Variants in CNTNAP2 observed in about 807,000 individuals in gnomAD.
CNTNAP2 encodes contactin-associated protein-like 2.
In CNTNAP2, 98 loss-of-function variants were observed where a neutral mutation model predicts 155.2. The ratio of observed to expected loss-of-function variants is 0.63; its 90% CI spans 0.54 to 0.75. CNTNAP2 has a LOEUF of 0.75. Among genes scored for constraint, CNTNAP2 ranks in the 30% least tolerant of loss-of-function variants. CNTNAP2 has a pLI of 0.00. For synonymous variants in CNTNAP2, 651 were observed against 631.2 expected (o/e 1.03, Z -0.47); for missense variants, 1,727 against 1,688.1 (o/e 1.02, Z -0.40).
At chr7:147,901,021 T>A (rs1799860091) in intron 13 of CNTNAP2, among the ~76,000 whole-genome samples, 1 of 152,100 alleles carries the variant, frequency 6.6e-6, no homozygotes, top group Admixed American at 6.6e-5. Flanking sequence ...TGCCCTACCT[T>A]CATGGAGCAT....
At chr7:146,588,259 C>A (rs762033444) in intron 1 of CNTNAP2, among the ~76,000 whole-genome samples, 4 of 151,768 alleles carry the variant, frequency 2.6e-5, no homozygotes, top group Non-Finnish European at 5.9e-5. Context: ...ACAAAGCCCA[C>A]ATATATCTTA....
intron 1 of CNTNAP2, among the ~76,000 whole-genome samples, chr7:146,407,495 G>A (rs1017094359): frequency 5.3e-4 from 80 of 152,228 alleles, no homozygotes; most frequent in African/African-American, 1.9e-3. Flanking sequence ...TGTTTATAAT[G>A]TGAGTTACAA....
intron 1 of CNTNAP2, among the ~76,000 whole-genome samples, chr7:146,373,836 G>C (rs1243526142): frequency 6.6e-6 from 1 of 152,148 alleles, no homozygotes; most frequent in African/African-American, 2.4e-5. Flanking sequence ...ATCTGGAATT[G>C]TATCAGAAAC....
chr7:147,512,383 G>A (rs1374912251), intron 11 of CNTNAP2, among the ~76,000 whole-genome samples: 1 of 152,170 alleles, frequency 6.6e-6, no homozygotes, highest in Non-Finnish European at 1.5e-5. Context: ...CATAAGAAAA[G>A]TGTCCATATA....
chr7:147,498,717 A>G (rs1798755802), intron 11 of CNTNAP2, among the ~76,000 whole-genome samples: 1 of 152,230 alleles, frequency 6.6e-6, no homozygotes, highest in African/African-American at 2.4e-5. Flanking sequence ...TCTAAAGCCC[A>G]AGTAATCTCT....
intron 10 of CNTNAP2, among the ~76,000 whole-genome samples, chr7:147,410,673 A>T (rs10232106): frequency 0.17 from 26,533 of 152,232 alleles, 2,470 homozygotes; most frequent in Non-Finnish European, 0.19. Context: ...TTTCACACTT[A>T]AAAAGCAGCT....
Position 148,280,409 on chromosome 7 carries a change from G to A in CNTNAP2, c.3475+13283G>A, listed in dbSNP as rs543961957. Among the ~76,000 whole-genome samples the A allele has an allele frequency of 4.6e-5, 7 of 152,322 alleles. No homozygotes were observed. The South Asian group carries it at 1.0e-3, about 23-fold the overall frequency. On this transcript the variant is annotated intron_variant, in intron 21 of 23. Coordinates refer to ENST00000361727, the MANE Select transcript of CNTNAP2 (RefSeq NM_014141.6). ...ACAGACCTACACAGATGATAAAATT[G>A]TGCAGAATCACATTTGCACACATAC...
At chr7:146,679,439 T>TCCACCTCCC (rs2129169582) in intron 1 of CNTNAP2, among the ~76,000 whole-genome samples, 1 of 146,788 alleles carries the variant, frequency 6.8e-6, no homozygotes, top group East Asian at 2.1e-4. Flanking sequence ...CACTGCAACT[T>TCCACCTCCC]CCACCTCCCA....
At chr7:148,114,625 A>G (rs1052623733) in intron 15 of CNTNAP2, among the ~76,000 whole-genome samples, 1 of 152,160 alleles carries the variant, frequency 6.6e-6, no homozygotes, top group Non-Finnish European at 1.5e-5. Context: ...AGATTGGGCA[A>G]CAGATTCCTC....
rs182743016 is a variant in CNTNAP2 at position 147,515,553 on chromosome 7, C to T, written c.1777+29512C>T. Among the ~76,000 whole-genome samples, 291 of 152,054 alleles carry T rather than the reference C, an allele frequency of 1.9e-3. 1 individual carries two copies. Among genetic ancestry groups the T allele is most frequent in the African/African-American group, 6.6e-3 (274 of 41,492 alleles). On this transcript the variant is annotated intron_variant, in intron 11 of 23. Coordinates refer to ENST00000361727, the MANE Select transcript of CNTNAP2 (RefSeq NM_014141.6). ...GGCCAGGATGGTCTCGATCTCTTGA[C>T]CTCGTGATCTGCCCACCTCGGCCTC...
At chr7:146,426,212 T>TAAAAAAAAAAAAAAAAA (rs1554431713) in intron 1 of CNTNAP2, among the ~76,000 whole-genome samples, 43 of 113,236 alleles carry the variant, frequency 3.8e-4, no homozygotes, top group African/African-American at 1.3e-3. Flanking sequence ...AAAAAAAAAT[T>TAAAAAAAAAAAAAAAAA]AAAACTTAAG....
At position 146,633,896 on chromosome 7, in the gene CNTNAP2, T is replaced by C. The variant is rs529027660; in HGVS notation, c.98-140375T>C. 3.3e-5 allele frequency among the ~76,000 whole-genome samples: 5 copies of C among 150,432 alleles called. No homozygotes were observed. In the South Asian group the frequency reaches 1.0e-3, roughly 32 times the overall value. On this transcript the variant is annotated intron_variant, in intron 1 of 23. Transcript: ENST00000361727. Reference sequence around the variant, plus strand: ...TTGCAGGAAGTCAGTAGGTGTACTTTTGGAGTCATCTTAAAAAGAGACGAT... The same window carrying C: ...TTGCAGGAAGTCAGTAGGTGTACTTCTGGAGTCATCTTAAAAAGAGACGAT...
chr7:147,549,813 T>C (rs1003197465), intron 11 of CNTNAP2, among the ~76,000 whole-genome samples: 1 of 152,194 alleles, frequency 6.6e-6, no homozygotes, highest in Non-Finnish European at 1.5e-5. Context: ...CATGTCTTCT[T>C]TTCTTCCCCC....
chr7:146,786,709 G>T (rs1458866359), intron 2 of CNTNAP2, among the ~76,000 whole-genome samples: 1 of 152,064 alleles, frequency 6.6e-6, no homozygotes, highest in Non-Finnish European at 1.5e-5. Context: ...TTCTTCCCCA[G>T]GTTTTCACCC....
intron 2 of CNTNAP2, among the ~76,000 whole-genome samples, chr7:146,779,980 TAA>T (rs1802454776): frequency 6.6e-6 from 1 of 152,170 alleles, no homozygotes; most frequent in Non-Finnish European, 1.5e-5. Context: ...TACCTTTCCT[TAA>T]AAGACACCAC....
chr7:146,712,283 T>TA (rs71165031), intron 1 of CNTNAP2, among the ~76,000 whole-genome samples: 407 of 19,242 alleles, frequency 0.021, 8 homozygotes, highest in South Asian at 0.08. Context: ...TATACATATA[T>TA]GTATACATAT....
chr7:147,879,504 T>C (rs149874033), intron 13 of CNTNAP2, among the ~76,000 whole-genome samples: 105 of 152,182 alleles, frequency 6.9e-4, no homozygotes, highest in African/African-American at 2.3e-3. Flanking sequence ...GTCAAAACAA[T>C]TTTAAACAAG....
chr7:147,381,207 A>C (rs2116932041), intron 9 of CNTNAP2, among the ~76,000 whole-genome samples: 1 of 152,238 alleles, frequency 6.6e-6, no homozygotes, highest in East Asian at 1.9e-4. Flanking sequence ...ATTGGGTATT[A>C]TTAATTCCTG....
rs1440112297 is a variant in CNTNAP2 at position 146,235,088 on chromosome 7, G to T, written c.97+118115G>T. ...GTTGAGAAGGAAGAGGCAAAGGCAT[G>T]TTATTTTACTGAGACACAATGAAAT... is the stretch of plus-strand genomic sequence containing the variant. On this transcript the variant is annotated intron_variant, in intron 1 of 23. Transcript: ENST00000361727. Among the ~76,000 whole-genome samples, 5 of 152,250 alleles carry T rather than the reference G, an allele frequency of 3.3e-5. No individual in the cohort carries two copies. The South Asian group carries it at 6.2e-4, about 19-fold the overall frequency.
Sources: allele counts gnomAD v4.1 joint callset (sites outside exome capture counted in the v4.1 genomes callset), GRCh38; gene constraint gnomAD v4.1.1; transcripts MANE v1.5; gene names NCBI Gene and HGNC (gene_info 2026-07-23, HGNC 2026-07-21).